Variants in NEO1 observed in about 807,000 individuals in gnomAD.
NEO1 encodes the protein neogenin.
NEO1 carries 63 observed loss-of-function variants against 159.7 expected under a neutral mutation model. The observed-to-expected ratio is 0.39, with a 90% CI of 0.32 to 0.49. The LOEUF (loss-of-function observed/expected upper bound fraction) is 0.49. Among genes scored for constraint, NEO1 ranks in the 20% least tolerant of loss-of-function variants. The pLI is 0.85. For synonymous variants in NEO1, 633 were observed against 662.0 expected, an observed-to-expected ratio of 0.96 and a Z score of 0.67; for missense variants, 1,615 against 1,831.0, an observed-to-expected ratio of 0.88 and a Z score of 2.15.
At chr15:73,061,011 A>G (rs1320328242) in intron 1 of NEO1, among the ~76,000 whole-genome samples, 1 of 152,222 alleles carries the variant, frequency 6.6e-6, no homozygotes, top group African/African-American at 2.4e-5. Context: ...TACCTCCGGA[A>G]TATAACTGAA....
intron 5 of NEO1, among the ~76,000 whole-genome samples, chr15:73,138,890 A>G (rs1321812684): frequency 6.6e-6 from 1 of 152,172 alleles, no homozygotes. Flanking sequence ...GCTTGGAGCT[A>G]TTTGGATCAA....
chr15:73,202,934 A>G (rs573975158), intron 7 of NEO1, among the ~76,000 whole-genome samples: 2 of 152,312 alleles, frequency 1.3e-5, no homozygotes, highest in East Asian at 3.9e-4. Context: ...GTACATCCAT[A>G]TTGTAACATA....
intron 1 of NEO1, among the ~76,000 whole-genome samples, chr15:73,111,375 T>C (rs531252775): frequency 6.6e-6 from 1 of 152,290 alleles, no homozygotes; most frequent in African/African-American, 2.4e-5. Flanking sequence ...AGACGATATG[T>C]GTGTATGAAT....
At chr15:73,184,241 C>T (rs1406203214) in intron 7 of NEO1, among the ~76,000 whole-genome samples, 3 of 152,090 alleles carry the variant, frequency 2.0e-5, no homozygotes, top group South Asian at 2.1e-4. Context: ...CTGCAGCCTC[C>T]GCCTCCCGGG....
rs539434433 is a variant in NEO1, at chr15:73,072,757, C to T, written c.130+19952C>T. Among the ~76,000 whole-genome samples, 133 of 151,992 alleles carry T rather than the reference C, an allele frequency of 8.8e-4. 1 individual carries two copies. Among genetic ancestry groups the T allele is most frequent in the African/African-American group, 3.0e-3 (123 of 41,432 alleles). On this transcript the variant is annotated intron_variant, in intron 1 of 28. Transcript: ENST00000261908. The stretch of plus-strand genomic sequence containing the variant: ...GATGGTCATGTTTCATACTTAGGCC[C>T]GTTGTAGTAGCCTAGGTAGTTTACA...
chr15:73,232,431 T>A (rs2038959739), intron 7 of NEO1, among the ~76,000 whole-genome samples: 1 of 152,232 alleles, frequency 6.6e-6, no homozygotes, highest in African/African-American at 2.4e-5. Flanking sequence ...AGCCTACCAC[T>A]TTGAGCTGAT....
chr15:73,236,622 G>C (rs1461242296), intron 8 of NEO1, 116 bp downstream of exon 8: 2 of 838,658 alleles, frequency 2.4e-6, no homozygotes, highest in Non-Finnish European at 3.9e-6. Flanking sequence ...TAAGATCACT[G>C]AGATGCACCT....
At chr15:73,246,873 A>G (rs1235345160) in intron 9 of NEO1, among the ~76,000 whole-genome samples, 1 of 152,224 alleles carries the variant, frequency 6.6e-6, no homozygotes, top group Non-Finnish European at 1.5e-5. Context: ...GAGATGAAAG[A>G]AAAGGGGTGA....
At chr15:73,279,350 G>GTTTTTTTTTTTTTT (rs1567679061) in intron 22 of NEO1, among the ~76,000 whole-genome samples, 24 of 58,114 alleles carry the variant, frequency 4.1e-4, no homozygotes, top group Non-Finnish European at 8.9e-4. Flanking sequence ...TTTTGGTTTT[G>GTTTTTTTTTTTTTT]GTTTTTTTTT....
At chr15:73,070,030 A>G (rs184049692) in intron 1 of NEO1, among the ~76,000 whole-genome samples, 10 of 152,324 alleles carry the variant, frequency 6.6e-5, no homozygotes, top group South Asian at 2.1e-4. Flanking sequence ...GCTAGCTTCA[A>G]TATGTTGGCA....
chr15:73,202,511 G>A (rs1384978283), intron 7 of NEO1, among the ~76,000 whole-genome samples: 1 of 152,110 alleles, frequency 6.6e-6, no homozygotes, highest in South Asian at 2.1e-4. Flanking sequence ...CCCTTTACAA[G>A]TTACCTTACC....
Position 73,304,248 on chromosome 15 carries a change from A to C in NEO1, c.*1552A>C, listed in dbSNP as rs1205357082. ...ATAGTTCTTGGGTTCTTTTTCCTAA[A>C]AAGGTAAGGAGCTGAGGTGTGTGGT... On this transcript the variant is annotated 3_prime_UTR_variant, in exon 29 of 29. Transcript: ENST00000261908. The C allele has an allele frequency of 1.3e-5, 2 of 152,144 alleles. No homozygotes were observed. Among genetic ancestry groups the C allele is most frequent in the African/African-American group, 2.4e-5 (1 of 41,416 alleles). 9.4% of individuals were successfully genotyped at this position (152,144 alleles called of 1,614,324 possible). A position where few individuals can be genotyped will look rare whatever the true frequency, so the allele number is the denominator to read the frequency against.
chr15:73,193,467 A>T (rs1422810169), intron 7 of NEO1, among the ~76,000 whole-genome samples: 2 of 151,638 alleles, frequency 1.3e-5, no homozygotes, highest in Non-Finnish European at 2.9e-5. Context: ...TGTTTTCAAG[A>T]CAAAAATTTA....
chr15:73,290,725 A>T (rs2042135038), intron 25 of NEO1, among the ~76,000 whole-genome samples: 1 of 152,200 alleles, frequency 6.6e-6, no homozygotes, highest in East Asian at 1.9e-4. Context: ...CAAGGAAGTG[A>T]AGCCTTTCAG....
rs74661320 is a variant in NEO1, at chr15:73,093,179, C to G, written c.131-23361C>G. On this transcript the variant is annotated intron_variant, in intron 1 of 28. Transcript: ENST00000261908. ...GAAGGATGACCACAGAGGTAAAGTG[C>G]CATCACACCATTTCAAGGCATTGAT... is the stretch of plus-strand genomic sequence containing the variant. Among the ~76,000 whole-genome samples, 1,313 of 152,316 alleles carry G rather than the reference C, an allele frequency of 8.6e-3. 23 individuals carry two copies. The highest frequency in any genetic ancestry group is 0.03 in the African/African-American group (1,238 of 41,560).
At chr15:73,161,200 C>G (rs1157587721) in intron 5 of NEO1, among the ~76,000 whole-genome samples, 4 of 152,128 alleles carry the variant, frequency 2.6e-5, no homozygotes, top group African/African-American at 7.2e-5. Context: ...TTTTAAAAAT[C>G]TCATGTCTTC....
chr15:73,265,484 A>G (rs1181263482), intron 15 of NEO1, among the ~76,000 whole-genome samples: 1 of 152,186 alleles, frequency 6.6e-6, no homozygotes, highest in Non-Finnish European at 1.5e-5. Context: ...AAGCTAAGGA[A>G]ATGAATGAAA....
At chr15:73,188,275 A>G (rs1002373863) in intron 7 of NEO1, among the ~76,000 whole-genome samples, 1 of 152,208 alleles carries the variant, frequency 6.6e-6, no homozygotes, top group Non-Finnish European at 1.5e-5. Context: ...TGAGAAAAAT[A>G]TCACTGCCCA....
At chr15:73,256,056 A>T (rs1299771440) in intron 13 of NEO1, 2 of 152,202 alleles carry the variant, frequency 1.3e-5, no homozygotes, top group Non-Finnish European at 2.9e-5. Context: ...CCAAGAATTA[A>T]TTTCATCACC....
Sources: gnomAD v4.1 joint callset for allele counts (sites outside exome capture counted in the v4.1 genomes callset) on GRCh38, gnomAD v4.1.1 for gene constraint, MANE v1.5 for transcripts, NCBI Gene and HGNC (gene_info 2026-07-23, HGNC 2026-07-21) for gene names.